Variants in EEF1E1 observed in about 807,000 individuals in gnomAD.
EEF1E1 encodes eukaryotic translation elongation factor 1 epsilon-1.
In EEF1E1, 19 loss-of-function variants were observed where a neutral mutation model predicts 19.9. The ratio of observed to expected loss-of-function variants is 0.95; its 90% CI spans 0.66 to 1.40. The LOEUF is 1.40. EEF1E1 is among the 40% of genes most tolerant of loss of function. EEF1E1 has a pLI of 0.00. For missense variants in EEF1E1, 198 were observed against 202.2 expected (o/e 0.98, Z 0.13); for synonymous variants, 81 against 80.0 (o/e 1.01, Z -0.07).
At chr6:8,102,141 G>T in intron 1 of EEF1E1, 1 of 1,290,466 alleles carries the variant, frequency 7.7e-7, no homozygotes, top group Non-Finnish European at 1.0e-6. Flanking sequence ...TAAGAGCCCT[G>T]TGAGGACCCT....
chr6:8,092,476 ACAGT>A lies in EEF1E1; in HGVS notation c.289-2199_289-2196del, dbSNP rs574003402. Among the ~76,000 whole-genome samples the A allele has an allele frequency of 1.8e-3, 274 of 152,348 alleles. 3 individuals are homozygous for A. The highest frequency in any genetic ancestry group is 6.3e-3 in the African/African-American group (262 of 41,584). On this transcript the variant is annotated intron_variant, in intron 2 of 3. Coordinates refer to ENST00000379715, the MANE Select transcript of EEF1E1 (RefSeq NM_004280.5). ...TTTCTCTGACGATTTTCATTTAAAG[ACAGT>A]CAGTCATTTTCAAAATGGTATATGA...
chr6:8,087,281 G>A (rs150115173), intron 3 of EEF1E1, among the ~76,000 whole-genome samples: 28 of 152,280 alleles, frequency 1.8e-4, no homozygotes, highest in Non-Finnish European at 2.8e-4. Context: ...GCCTTGGTGC[G>A]ATCTCTGCTC....
At chr6:8,084,578 A>G (rs1561882407) in intron 3 of EEF1E1, among the ~76,000 whole-genome samples, 1 of 152,246 alleles carries the variant, frequency 6.6e-6, no homozygotes. Flanking sequence ...GCCCGATGCT[A>G]CAGCAAGCAA....
At chr6:8,094,800 G>A (rs1349055439) in intron 2 of EEF1E1, among the ~76,000 whole-genome samples, 1 of 152,092 alleles carries the variant, frequency 6.6e-6, no homozygotes, top group Middle Eastern at 3.2e-3. Context: ...CTCCTCCTTA[G>A]CCTACTCAAT....
At chr6:8,094,960 T>C (rs904423195) in intron 2 of EEF1E1, among the ~76,000 whole-genome samples, 3 of 152,186 alleles carry the variant, frequency 2.0e-5, no homozygotes, top group African/African-American at 7.2e-5. Context: ...ACACATAAAA[T>C]ACAAAATATG....
At chr6:8,078,734 G>C (rs1320778563), downstream of EEF1E1, 5 of 1,285,102 alleles carry the variant, frequency 3.9e-6, no homozygotes, top group Middle Eastern at 2.1e-4. Context: ...AAACAATCAT[G>C]ATTTGCCTGG....
downstream of EEF1E1, among the ~76,000 whole-genome samples, chr6:8,076,023 T>A (rs189093811): frequency 3.6e-4 from 55 of 152,306 alleles, no homozygotes; most frequent in African/African-American, 1.3e-3. Context: ...GGCAATTCAG[T>A]ACCATCTTCA....
At chr6:8,079,315 C>G, downstream of EEF1E1, 1 of 730,150 alleles carries the variant, frequency 1.4e-6, no homozygotes. Flanking sequence ...GTATCTTACT[C>G]CAGTTTCCCG....
intron 3 of EEF1E1, among the ~76,000 whole-genome samples, chr6:8,087,065 C>T (rs1009981054): frequency 3.3e-5 from 5 of 151,916 alleles, no homozygotes; most frequent in African/African-American, 1.2e-4. Context: ...TTGGGAAATG[C>T]AAATGAAGTG....
Position 8,091,953 on chromosome 6 carries a change from T to G in EEF1E1, c.289-1672A>C, listed in dbSNP as rs563193740. On this transcript the variant is annotated intron_variant, in intron 2 of 3. Transcript: ENST00000379715. ...TGGGTGGCATGTAAACAAAAGAGAT[T>G]TATTCCTCACAGTTCTGGAGGCTGG... 2.0e-5 allele frequency among the ~76,000 whole-genome samples: 3 copies of G among 152,340 alleles called. No homozygotes were observed. In the East Asian group the frequency reaches 5.8e-4, roughly 29 times the overall value.
intron 1 of EEF1E1, among the ~76,000 whole-genome samples, chr6:8,100,634 C>G (rs1758322034): frequency 6.6e-6 from 1 of 152,174 alleles, no homozygotes; most frequent in African/African-American, 2.4e-5. Context: ...CTTCAGCACA[C>G]AACTGAAGTA....
At chr6:8,089,598 C>T (rs557394400) in intron 3 of EEF1E1, among the ~76,000 whole-genome samples, 1 of 152,284 alleles carries the variant, frequency 6.6e-6, no homozygotes, top group Non-Finnish European at 1.5e-5. Flanking sequence ...TGGTGCCCAC[C>T]CAGATTAAGG....
chr6:8,078,793 G>T, downstream of EEF1E1: 2 of 1,235,494 alleles, frequency 1.6e-6, no homozygotes, highest in Non-Finnish European at 2.1e-6. Flanking sequence ...CTACATACTA[G>T]GCTTTTTTCT....
intron 3 of EEF1E1, among the ~76,000 whole-genome samples, chr6:8,081,557 T>C (rs560945476): frequency 6.6e-6 from 1 of 152,320 alleles, no homozygotes; most frequent in Admixed American, 6.5e-5. Context: ...TCAGTCTATA[T>C]TTCAAAAATA....
At chr6:8,077,138 T>C (rs1561879577), downstream of EEF1E1, among the ~76,000 whole-genome samples, 5 of 152,038 alleles carry the variant, frequency 3.3e-5, no homozygotes. Flanking sequence ...AGAGATGGGG[T>C]TTCACCGTGT....
At chr6:8,073,900 T>C (rs1462728004) in intron 3 of EEF1E1, among the ~76,000 whole-genome samples, 1 of 152,246 alleles carries the variant, frequency 6.6e-6, no homozygotes, top group African/African-American at 2.4e-5. Context: ...GTATCCCTTT[T>C]CCTTCTTTTC....
At chr6:8,102,360 G>T in intron 1 of EEF1E1, 75 bp downstream of exon 1, 1 of 1,449,596 alleles carries the variant, frequency 6.9e-7, no homozygotes, top group Non-Finnish European at 9.4e-7. Context: ...CTGGTGGCCG[G>T]CCCGGGTCCT....
intron 3 of EEF1E1, among the ~76,000 whole-genome samples, chr6:8,086,280 AG>A (rs1433515571): frequency 1.3e-5 from 2 of 152,152 alleles, no homozygotes; most frequent in Non-Finnish European, 1.5e-5. Context: ...GGAGTTCTGG[AG>A]GGAACTGCAT....
chr6:8,092,566 A>AGGCAT (rs1315174574), intron 2 of EEF1E1, among the ~76,000 whole-genome samples: 1 of 152,216 alleles, frequency 6.6e-6, no homozygotes, highest in Non-Finnish European at 1.5e-5. Flanking sequence ...CAAATGAGAC[A>AGGCAT]GGCATGGAAG....
Sources: allele counts gnomAD v4.1 joint callset (sites outside exome capture counted in the v4.1 genomes callset), GRCh38; gene constraint gnomAD v4.1.1; transcripts MANE v1.5; gene names NCBI Gene and HGNC (gene_info 2026-07-23, HGNC 2026-07-21).